Variants in CALN1 observed in about 807,000 individuals in gnomAD.
CALN1 encodes the protein calcium-binding protein 8.
A neutral mutation model predicts 30.6 loss-of-function variants in CALN1; 17 were observed. That is an observed-to-expected ratio of 0.56 (90% CI 0.38 to 0.83). CALN1 has a LOEUF of 0.83. Ranked by LOEUF, CALN1 falls within the 40% of genes least tolerant of loss-of-function variation. The pLI is 0.00. For synonymous variants in CALN1, 156 were observed against 131.4 expected (o/e 1.19, Z -1.28); for missense variants, 291 against 354.9 (o/e 0.82, Z 1.45).
intron 5 of CALN1, among the ~76,000 whole-genome samples, chr7:71,882,216 A>G (rs977603341): frequency 6.6e-6 from 1 of 152,120 alleles, no homozygotes; most frequent in South Asian, 2.1e-4. Context: ...CCATCCCTCT[A>G]TCTTCAAAGC....
At chr7:71,895,318 C>CT (rs56366031) in intron 5 of CALN1, among the ~76,000 whole-genome samples, 17,495 of 150,708 alleles carry the variant, frequency 0.12, 1,444 homozygotes, top group East Asian at 0.43. Context: ...TCTCTCTTTT[C>CT]TTTTTTTTTG....
At chr7:72,459,182 G>T in the CALN1 span, among the ~76,000 whole-genome samples, 1 of 151,974 alleles carries the variant, frequency 6.6e-6, no homozygotes, top group Non-Finnish European at 1.5e-5. Context: ...GGGATTACAG[G>T]CATGAACCAC....
intron 4 of CALN1, among the ~76,000 whole-genome samples, chr7:72,024,091 T>C (rs941763550): frequency 2.0e-5 from 3 of 152,184 alleles, no homozygotes; most frequent in Non-Finnish European, 4.4e-5. Context: ...CAGTTGTACA[T>C]GATGGAAGTG....
At chr7:71,809,084 T>A (rs1022901361) in intron 6 of CALN1, among the ~76,000 whole-genome samples, 1 of 152,166 alleles carries the variant, frequency 6.6e-6, no homozygotes, top group East Asian at 1.9e-4. Context: ...TTTTGTTTGA[T>A]GCGCATGGCA....
chr7:72,020,352 ACACATG>A (rs1384128713), intron 5 of CALN1, among the ~76,000 whole-genome samples: 1 of 152,184 alleles, frequency 6.6e-6, no homozygotes, highest in African/African-American at 2.4e-5. Context: ...GTGCACACAC[ACACATG>A]CACACACTCA....
intron 4 of CALN1, among the ~76,000 whole-genome samples, chr7:72,073,656 TCTCCC>T (rs561965781): frequency 2.6e-5 from 4 of 151,462 alleles, no homozygotes; most frequent in African/African-American, 7.3e-5. Context: ...CTGTCTTCCT[TCTCCC>T]CTCCCCTCCC....
chr7:72,251,777 T>C (rs1481941880), intron 3 of CALN1, among the ~76,000 whole-genome samples: 19 of 152,110 alleles, frequency 1.2e-4, no homozygotes, highest in Admixed American at 1.2e-3. Flanking sequence ...AGGTTCTATA[T>C]ATTAACTGTA....
rs533928666 is a variant in CALN1 at position 72,291,982 on chromosome 7, A to AAGTG, written c.120-13173_120-13172insCACT. On this transcript the variant is annotated intron_variant, in intron 2 of 6. Transcript: ENST00000395275. ...GGGCCACCGCACTTCAGCCTGGGTGACAGAACAATACTCCATCTCAAAAAA... is the reference window on the plus strand; with the variant it reads ...GGGCCACCGCACTTCAGCCTGGGTGAAGTGCAGAACAATACTCCATCTCAAAAAA... Among the ~76,000 whole-genome samples, 689 of 151,728 alleles carry AAGTG rather than the reference A, an allele frequency of 4.5e-3. 5 individuals are homozygous for AAGTG. Among genetic ancestry groups the AAGTG allele is most frequent in the African/African-American group, 0.016 (663 of 41,356 alleles).
At chr7:72,376,463 C>G (rs1437761071) in intron 2 of CALN1, among the ~76,000 whole-genome samples, 2 of 152,208 alleles carry the variant, frequency 1.3e-5, no homozygotes, top group Non-Finnish European at 2.9e-5. Flanking sequence ...TCTCTAATGA[C>G]AGATGACTGA....
intron 3 of CALN1, among the ~76,000 whole-genome samples, chr7:72,258,251 G>A (rs1796044759): frequency 6.6e-6 from 1 of 152,068 alleles, no homozygotes; most frequent in African/African-American, 2.4e-5. Context: ...TTATCCATGG[G>A]GCAGCCCTAA....
intron 2 of CALN1, among the ~76,000 whole-genome samples, chr7:72,302,967 A>G (rs1398402299): frequency 6.7e-6 from 1 of 150,116 alleles, no homozygotes; most frequent in Non-Finnish European, 1.5e-5. Flanking sequence ...CAGTTACCAC[A>G]GAGACTGAGG....
At chr7:72,205,803 A>G (rs1252117330) in intron 3 of CALN1, among the ~76,000 whole-genome samples, 1 of 151,572 alleles carries the variant, frequency 6.6e-6, no homozygotes, top group Non-Finnish European at 1.5e-5. Flanking sequence ...AACAGCTGTG[A>G]TTTCATATTT....
Position 71,924,637 on chromosome 7 carries a change from A to AT in CALN1, c.501+99019dup, listed in dbSNP as rs939460591. On this transcript the variant is annotated intron_variant, in intron 5 of 6. Transcript: ENST00000395275. ...TGTACCTTAATCTGTTTTTCTCTGTATTTTTTTTTTACTCTATCTGCCTTC... is the reference window on the plus strand; with the variant it reads ...TGTACCTTAATCTGTTTTTCTCTGTATTTTTTTTTTTACTCTATCTGCCTTC... 3.4e-3 allele frequency among the ~76,000 whole-genome samples: 498 copies of AT among 147,636 alleles called. 3 individuals carry two copies. Among genetic ancestry groups the AT allele is most frequent in the African/African-American group, 0.011 (448 of 40,290 alleles).
At chr7:72,258,641 CA>C (rs1305699969) in intron 3 of CALN1, among the ~76,000 whole-genome samples, 1 of 152,150 alleles carries the variant, frequency 6.6e-6, no homozygotes, top group Non-Finnish European at 1.5e-5. Context: ...ATGAAGAAGC[CA>C]GGGGTGGTGG....
chr7:72,375,137 A>C lies in CALN1; in HGVS notation c.119+28114T>G, dbSNP rs1804481532. On this transcript the variant is annotated intron_variant, in intron 2 of 6. Coordinates refer to ENST00000395275, the MANE Select transcript of CALN1 (RefSeq NM_031468.4). The stretch of plus-strand genomic sequence containing the variant: ...AAAAATTACCACCATCAGTGGCTTA[A>C]ACACGCATTGTCTTGTAGTTTGTCT... Among the ~76,000 whole-genome samples, 3 of 152,192 alleles carry C rather than the reference A, an allele frequency of 2.0e-5. No individual in the cohort carries two copies. The South Asian group carries it at 6.2e-4, about 32-fold the overall frequency.
upstream of CALN1, among the ~76,000 whole-genome samples, chr7:72,451,301 GGAAGAA>G (rs1302162062): frequency 6.8e-6 from 1 of 146,640 alleles, no homozygotes; most frequent in Non-Finnish European, 1.5e-5. Flanking sequence ...GAAGAGAAGA[GGAAGAA>G]GAAGGAGGAG....
intron 4 of CALN1, among the ~76,000 whole-genome samples, chr7:72,082,912 A>G (rs1805243698): frequency 6.6e-6 from 1 of 152,090 alleles, no homozygotes; most frequent in Non-Finnish European, 1.5e-5. Flanking sequence ...AGAAGATGCA[A>G]GAAAGCAGGC....
chr7:72,327,190 G>C (rs764178111), intron 2 of CALN1, among the ~76,000 whole-genome samples: 4 of 152,166 alleles, frequency 2.6e-5, no homozygotes, highest in Non-Finnish European at 5.9e-5. Flanking sequence ...CACATCAATG[G>C]TTCTGAGTAA....
At chr7:72,228,730 CTTATTTATATAT>C (rs900018662) in intron 3 of CALN1, among the ~76,000 whole-genome samples, 3 of 144,122 alleles carry the variant, frequency 2.1e-5, no homozygotes, top group East Asian at 2.1e-4. Context: ...TGTTGGCTAC[CTTATTTATATAT>C]TTATTTATTT....
Sources: allele counts gnomAD v4.1 joint callset (sites outside exome capture counted in the v4.1 genomes callset), GRCh38; gene constraint gnomAD v4.1.1; transcripts MANE v1.5; gene names NCBI Gene and HGNC (gene_info 2026-07-23, HGNC 2026-07-21).